The following TSC22D1 variants were observed in gnomAD, a reference collection of about 807,000 sequenced individuals.
TSC22D1 encodes TSC22 domain family member 1.
A neutral mutation model predicts 74.2 loss-of-function variants in TSC22D1; 9 were observed. The ratio of observed to expected loss-of-function variants is 0.12; its 90% CI spans 0.07 to 0.21. TSC22D1 has a LOEUF of 0.21. Among genes scored for constraint, TSC22D1 ranks in the 10% least tolerant of loss-of-function variants. TSC22D1 has a pLI of 1.00. For missense variants in TSC22D1, 1,427 were observed against 1,304.7 expected (o/e 1.09, Z -1.44); for synonymous variants, 586 against 492.5 (o/e 1.19, Z -2.51).
At chr13:44,436,375 G>A in intron 1 of TSC22D1, 2 of 1,281,032 alleles carry the variant, frequency 1.6e-6, no homozygotes, top group Admixed American at 2.3e-5. Context: ...TTAACATTTC[G>A]AAAAACAACA....
At chr13:44,488,379 T>C (rs890981286) in intron 1 of TSC22D1, among the ~76,000 whole-genome samples, 5 of 152,214 alleles carry the variant, frequency 3.3e-5, no homozygotes, top group Non-Finnish European at 5.9e-5. Context: ...AATGATTACA[T>C]ATTGAAATGA....
Position 44,576,071 on chromosome 13 carries a change from G to C in TSC22D1, c.4C>G (p.His2Asp). Residue 2 changes from histidine (H) to aspartate (D), a missense_variant, in exon 1 of 3, where the codon CAC (histidine) becomes GAC (aspartate). Physicochemically the swap from His to Asp is moderately conservative, Grantham distance 81. Around this residue, in one of 3 missense-constraint regions of TSC22D1, gnomAD observed 1,343 missense variants for 1,191.5 expected, o/e 1.13. Coordinates refer to ENST00000458659, the MANE Select transcript of TSC22D1 (RefSeq NM_183422.4). Reference sequence around the variant, plus strand: ...GCGGCGGTGGACTCAGGCGGCTGGTGCATTGTGTTGGGTACCGGGGGCGCG... The same window carrying C: ...GCGGCGGTGGACTCAGGCGGCTGGTCCATTGTGTTGGGTACCGGGGGCGCG... MHQPPESTAAAA... is the reference protein window; with the variant it reads MDQPPESTAAAA... The C allele has an allele frequency of 6.4e-7, 1 of 1,555,048 alleles. No individual in the cohort carries two copies. Among genetic ancestry groups the C allele is most frequent in the Non-Finnish European group, 8.7e-7 (1 of 1,154,284 alleles).
intron 1 of TSC22D1, among the ~76,000 whole-genome samples, chr13:44,479,062 C>A (rs1878055201): frequency 8.5e-5 from 13 of 152,108 alleles, no homozygotes; most frequent in Admixed American, 8.5e-4. Flanking sequence ...TCCTAGATGG[C>A]CCTAGGAGCA....
chr13:44,493,824 T>C (rs1878830629), intron 1 of TSC22D1, among the ~76,000 whole-genome samples: 1 of 152,164 alleles, frequency 6.6e-6, no homozygotes. Flanking sequence ...GTGAGGTGGG[T>C]GGTGAGGCTC....
intron 1 of TSC22D1, among the ~76,000 whole-genome samples, chr13:44,468,023 A>C (rs1566127002): frequency 6.6e-6 from 1 of 151,538 alleles, no homozygotes; most frequent in East Asian, 1.9e-4. Context: ...CACACACACA[A>C]TGGAATAAAA....
At chr13:44,503,536 G>C (rs765838177) in intron 1 of TSC22D1, among the ~76,000 whole-genome samples, 9 of 152,140 alleles carry the variant, frequency 5.9e-5, no homozygotes. Flanking sequence ...TAATAGATTT[G>C]TAAATCATCC....
chr13:44,466,108 A>G (rs536355723), intron 1 of TSC22D1, among the ~76,000 whole-genome samples: 1 of 152,342 alleles, frequency 6.6e-6, no homozygotes, highest in African/African-American at 2.4e-5. Context: ...AAATAAGCAG[A>G]GCTGCAGTGT....
chr13:44,574,902 T>A lies in TSC22D1; in HGVS notation c.1173A>T (p.Gly391=), dbSNP rs1884093423. Residue 391 remains glycine, a synonymous_variant, in exon 1 of 3, where the codon GGA becomes GGT. Coordinates refer to ENST00000458659, the MANE Select transcript of TSC22D1 (RefSeq NM_183422.4). ...VPNAAAGMTG[G]SVSSQQQQPT... Reference sequence around the variant, plus strand: ...GTTGTTGCTGCTGACTTGAAACCGATCCCCCAGTCATCCCTGCAGCTGCAT... The same window carrying A: ...GTTGTTGCTGCTGACTTGAAACCGAACCCCCAGTCATCCCTGCAGCTGCAT... 2 of 1,613,846 alleles carry A rather than the reference T, an allele frequency of 1.2e-6. No individual in the cohort carries two copies. The highest frequency in any genetic ancestry group is 1.3e-5 in the African/African-American group (1 of 74,858).
intron 1 of TSC22D1, among the ~76,000 whole-genome samples, chr13:44,473,726 G>T (rs1158432074): frequency 1.3e-5 from 2 of 152,074 alleles, no homozygotes; most frequent in Non-Finnish European, 2.9e-5. Flanking sequence ...CCATGCAACT[G>T]ATGGTTTACA....
intron 1 of TSC22D1, among the ~76,000 whole-genome samples, chr13:44,479,627 T>C (rs1878086839): frequency 6.6e-6 from 1 of 152,202 alleles, no homozygotes; most frequent in Admixed American, 6.5e-5. Context: ...ACCAGCCACA[T>C]ACACCAGCAT....
intron 1 of TSC22D1, among the ~76,000 whole-genome samples, chr13:44,465,799 CCT>C (rs1376602112): frequency 1.3e-5 from 2 of 152,066 alleles, no homozygotes; most frequent in African/African-American, 4.8e-5. Flanking sequence ...GTGGTGAAAC[CCT>C]GTCTCTACTA....
At chr13:44,452,106 T>G (rs1876187749) in intron 1 of TSC22D1, among the ~76,000 whole-genome samples, 1 of 152,116 alleles carries the variant, frequency 6.6e-6, no homozygotes, top group African/African-American at 2.4e-5. Context: ...GAGGAGAACT[T>G]TGAACAAAAC....
chr13:44,445,538 A>G (rs910697486), intron 1 of TSC22D1, among the ~76,000 whole-genome samples: 1 of 152,182 alleles, frequency 6.6e-6, no homozygotes, highest in Non-Finnish European at 1.5e-5. Flanking sequence ...GACTTTTACC[A>G]TAATGAAAAA....
chr13:44,488,644 T>C (rs1221031250), intron 1 of TSC22D1, among the ~76,000 whole-genome samples: 3 of 152,166 alleles, frequency 2.0e-5, no homozygotes, highest in Non-Finnish European at 2.9e-5. Flanking sequence ...CAAAATAATA[T>C]ATAAAGAATC....
intron 1 of TSC22D1, among the ~76,000 whole-genome samples, chr13:44,486,808 C>A (rs1878447195): frequency 6.6e-6 from 1 of 152,058 alleles, no homozygotes; most frequent in African/African-American, 2.4e-5. Flanking sequence ...CATAAAAGCA[C>A]CCACACTGGA....
At chr13:44,548,013 C>A (rs1325774996) in intron 1 of TSC22D1, among the ~76,000 whole-genome samples, 2 of 152,050 alleles carry the variant, frequency 1.3e-5, no homozygotes, top group African/African-American at 2.4e-5. Flanking sequence ...TTTAGCATAA[C>A]CCTATCATAT....
chr13:44,463,927 A>C (rs1304374096), intron 1 of TSC22D1, among the ~76,000 whole-genome samples: 1 of 152,186 alleles, frequency 6.6e-6, no homozygotes, highest in African/African-American at 2.4e-5. Context: ...AGTGCTAAGA[A>C]CTGAGGTGCT....
chr13:44,574,053 A>G lies in TSC22D1; in HGVS notation c.2022T>C (p.Ser674=). The change falls in exon 1 of 3, where the codon TCT becomes TCC. Residue 674 remains serine, a synonymous_variant. Transcript: ENST00000458659. ...QTAMSSGQPS[S]AGVGAGTTVI... ...CTGTTGTTCCTGCTCCTACTCCTGCAGAACTGGGCTGTCCGGAGGACATTG... is the reference window on the plus strand; with the variant it reads ...CTGTTGTTCCTGCTCCTACTCCTGCGGAACTGGGCTGTCCGGAGGACATTG... 6.2e-7 allele frequency: 1 copy of G among 1,614,226 alleles called. No individual in the cohort carries two copies. Among genetic ancestry groups the G allele is most frequent in the South Asian group, 1.1e-5 (1 of 91,092 alleles).
chr13:44,484,614 A>G (rs1236652534), intron 1 of TSC22D1, among the ~76,000 whole-genome samples: 4 of 152,246 alleles, frequency 2.6e-5, no homozygotes, highest in South Asian at 2.1e-4. Flanking sequence ...AGGTACAACT[A>G]ATATTCATGA....
Sources: gnomAD v4.1 joint callset for allele counts (sites outside exome capture counted in the v4.1 genomes callset) on GRCh38, gnomAD v4.1.1 for gene constraint, gnomAD v4.1.1 regional missense constraint, MANE v1.5 for transcripts, NCBI Gene and HGNC (gene_info 2026-07-23, HGNC 2026-07-21) for gene names.